Variants in DAB1 observed in about 807,000 individuals in gnomAD.
DAB1 encodes DAB adaptor protein 1.
A neutral mutation model predicts 64.6 loss-of-function variants in DAB1; 15 were observed. The observed-to-expected ratio is 0.23, with a 90% CI of 0.16 to 0.36. The LOEUF is 0.36. DAB1 is among the 10% of genes least tolerant of loss of function. DAB1 has a pLI of 1.00. For synonymous variants in DAB1, 235 were observed against 251.9 expected, an observed-to-expected ratio of 0.93 and a Z score of 0.64; for missense variants, 596 against 706.7, an observed-to-expected ratio of 0.84 and a Z score of 1.78.
At chr1:57,304,363 C>T (rs1468211784) in intron 1 of DAB1, among the ~76,000 whole-genome samples, 1 of 151,712 alleles carries the variant, frequency 6.6e-6, no homozygotes, top group Non-Finnish European at 1.5e-5. Context: ...CCACCAGGCC[C>T]CACCTCCAGT....
chr1:58,462,544 T>A (rs981126332), intron 3 of DAB1: 8 of 152,182 alleles, frequency 5.3e-5, no homozygotes, highest in African/African-American at 1.9e-4. Context: ...ACAATACAGG[T>A]GATTTTTTAA....
intron 3 of DAB1, among the ~76,000 whole-genome samples, chr1:58,433,781 A>C (rs1644911741): frequency 6.6e-6 from 1 of 152,184 alleles, no homozygotes; most frequent in Admixed American, 6.5e-5. Flanking sequence ...TTATGAGGGC[A>C]GAGCACTCAT....
intron 4 of DAB1, among the ~76,000 whole-genome samples, chr1:58,213,461 G>T (rs1658670975): frequency 6.6e-6 from 1 of 152,112 alleles, no homozygotes; most frequent in South Asian, 2.1e-4. Flanking sequence ...ACAGTGGAAG[G>T]CAGGCACATC....
upstream of DAB1, among the ~76,000 whole-genome samples, chr1:57,428,555 A>G (rs1685375693): frequency 6.6e-6 from 1 of 152,124 alleles, no homozygotes. Context: ...TTCTTTATCC[A>G]TGCATCTGTT....
At chr1:57,768,824 G>T (rs1267802034) in intron 6 of DAB1, among the ~76,000 whole-genome samples, 3 of 151,984 alleles carry the variant, frequency 2.0e-5, no homozygotes, top group African/African-American at 7.2e-5. Context: ...GAGCAATAAA[G>T]ATTTTACTTA....
intron 7 of DAB1, among the ~76,000 whole-genome samples, chr1:57,497,284 C>A (rs1644241986): frequency 6.6e-6 from 1 of 152,136 alleles, no homozygotes; most frequent in Non-Finnish European, 1.5e-5. Context: ...AATTTCATTT[C>A]TTTTCTACTA....
chr1:57,632,835 T>C (rs1371802165), intron 7 of DAB1, among the ~76,000 whole-genome samples: 1 of 152,214 alleles, frequency 6.6e-6, no homozygotes, highest in African/African-American at 2.4e-5. Flanking sequence ...GGAATTGTTA[T>C]TCTCTGACAG....
intron 5 of DAB1, among the ~76,000 whole-genome samples, chr1:58,147,400 C>T (rs535419498): frequency 3.3e-5 from 5 of 149,952 alleles, no homozygotes; most frequent in South Asian, 2.1e-4. Context: ...AGGCGGATCA[C>T]GAGGTCAGGA....
chr1:57,218,394 A>G (rs938865805), intron 2 of DAB1, among the ~76,000 whole-genome samples: 4 of 151,802 alleles, frequency 2.6e-5, no homozygotes, highest in Non-Finnish European at 5.9e-5. Flanking sequence ...AGCTTTCATA[A>G]CCAGAGCAGG....
chr1:58,157,170 A>T (rs1655269811), intron 4 of DAB1, among the ~76,000 whole-genome samples: 1 of 152,172 alleles, frequency 6.6e-6, no homozygotes, highest in African/African-American at 2.4e-5. Flanking sequence ...CCCTCTGGAA[A>T]AGAAAGACTC....
At chr1:58,449,393 A>T (rs1250305090) in intron 3 of DAB1, among the ~76,000 whole-genome samples, 1 of 152,140 alleles carries the variant, frequency 6.6e-6, no homozygotes, top group Non-Finnish European at 1.5e-5. Context: ...CCTCTGACAA[A>T]CTGGCCAGGG....
chr1:57,931,456 A>C (rs1023890262), intron 5 of DAB1, among the ~76,000 whole-genome samples: 1 of 152,204 alleles, frequency 6.6e-6, no homozygotes, highest in Admixed American at 6.5e-5. Context: ...TAAGTTGTAG[A>C]ATTCACCAGT....
At chr1:57,435,388 T>G (rs377349542) in intron 7 of DAB1, among the ~76,000 whole-genome samples, 1 of 152,216 alleles carries the variant, frequency 6.6e-6, no homozygotes, top group Non-Finnish European at 1.5e-5. Context: ...TTTAGCTTAC[T>G]GTAATAACTT....
intron 7 of DAB1, among the ~76,000 whole-genome samples, chr1:57,435,207 C>T (rs943994723): frequency 1.3e-5 from 2 of 151,698 alleles, no homozygotes; most frequent in Non-Finnish European, 2.9e-5. Context: ...TGCCACCACG[C>T]CCGGTTAATT....
chr1:57,532,250 T>G (rs959650149), intron 7 of DAB1, among the ~76,000 whole-genome samples: 1 of 73,442 alleles, frequency 1.4e-5, no homozygotes, highest in African/African-American at 3.9e-5. Context: ...GGCGTGGAGA[T>G]TCTCAAAGTA....
At chr1:58,470,072 A>C (rs1464303009) in intron 3 of DAB1, among the ~76,000 whole-genome samples, 1 of 151,616 alleles carries the variant, frequency 6.6e-6, no homozygotes, top group Non-Finnish European at 1.5e-5. Context: ...ACAAAGAGGG[A>C]ATTTGAGGTT....
At chr1:58,527,088 T>C (rs750134593) in intron 2 of DAB1, among the ~76,000 whole-genome samples, 1 of 152,166 alleles carries the variant, frequency 6.6e-6, no homozygotes, top group East Asian at 1.9e-4. Flanking sequence ...TCTTCAGTTA[T>C]ACATTCTTTC....
At chr1:57,116,083 C>T (rs1656076693) in intron 4 of DAB1, among the ~76,000 whole-genome samples, 1 of 152,100 alleles carries the variant, frequency 6.6e-6, no homozygotes, top group African/African-American at 2.4e-5. Context: ...CTGGGCTTTC[C>T]AAAGCTCCAC....
At chr1:58,198,784 T>C (rs1192922073) in intron 4 of DAB1, among the ~76,000 whole-genome samples, 1 of 152,176 alleles carries the variant, frequency 6.6e-6, no homozygotes, top group Non-Finnish European at 1.5e-5. Context: ...AAAAGCTCTC[T>C]TATTTCTGCT....
Sources: allele counts gnomAD v4.1 joint callset (sites outside exome capture counted in the v4.1 genomes callset), GRCh38; gene constraint gnomAD v4.1.1; transcripts MANE v1.5; gene names NCBI Gene and HGNC (gene_info 2026-07-23, HGNC 2026-07-21).